AGTPBP1: variants seen among roughly 807,000 people sequenced by gnomAD.
The protein encoded by AGTPBP1 is ATP/GTP binding carboxypeptidase 1.
In AGTPBP1, 70 loss-of-function variants were observed where a neutral mutation model predicts 143.9. The observed-to-expected ratio is 0.49, with a 90% CI of 0.40 to 0.59. AGTPBP1 has a LOEUF of 0.59. Ranked by LOEUF, AGTPBP1 falls within the 20% of genes least tolerant of loss-of-function variation. The pLI, the probability that AGTPBP1 is intolerant of heterozygous loss-of-function variation, is 0.00. For missense variants in AGTPBP1, 1,229 were observed against 1,464.5 expected (o/e 0.84, Z 2.62); for synonymous variants, 463 against 500.2 (o/e 0.93, Z 0.99).
chr9:85,782,474 C>A, the AGTPBP1 span, among the ~76,000 whole-genome samples: 1 of 152,138 alleles, frequency 6.6e-6, no homozygotes, highest in East Asian at 1.9e-4. Context: ...GAGATCACGA[C>A]ATTGCACCCC....
chr9:85,603,514 C>T (rs576142648), intron 17 of AGTPBP1, among the ~76,000 whole-genome samples: 1 of 152,116 alleles, frequency 6.6e-6, no homozygotes, highest in South Asian at 2.1e-4. Flanking sequence ...TCAGTGGTAC[C>T]CAGGCAGTTC....
At chr9:85,677,870 G>T (rs1325907484) in intron 5 of AGTPBP1, among the ~76,000 whole-genome samples, 1 of 152,058 alleles carries the variant, frequency 6.6e-6, no homozygotes, top group Non-Finnish European at 1.5e-5. Flanking sequence ...CAGGCATGGT[G>T]GCGCACACCT....
the AGTPBP1 span, among the ~76,000 whole-genome samples, chr9:85,747,274 G>T: frequency 3.3e-5 from 5 of 152,120 alleles, no homozygotes; most frequent in African/African-American, 1.2e-4. Context: ...TTTGATTATT[G>T]TAGGATTATA....
chr9:85,710,525 A>G (rs1160976708), intron 2 of AGTPBP1, among the ~76,000 whole-genome samples: 1 of 152,104 alleles, frequency 6.6e-6, no homozygotes, highest in African/African-American at 2.4e-5. Context: ...AATATGCCAT[A>G]CTATAGGAAG....
In AGTPBP1 at chr9:85,632,978, A is replaced by C. The variant is rs1831781123; in HGVS notation, c.1699T>G (p.Cys567Gly). 5.6e-6 allele frequency: 9 copies of C among 1,614,162 alleles called. No homozygotes were observed. The highest frequency in any genetic ancestry group is 5.1e-6 in the Non-Finnish European group (6 of 1,180,018). The stretch of plus-strand genomic sequence containing the variant: ...GCCATGTGTGGACATGCTTTAGCAC[A>C]GGTAAGGACAGTAAGAGGAAGACTG... ...DCSLPLTVLT[C>G]AKACPHMATC... The change falls in exon 14 of 26, where the codon TGT (cysteine) becomes GGT (glycine). Residue 567 changes from cysteine (C) to glycine (G), a missense_variant. By Grantham distance (159) the Cys-to-Gly change is radical (BLOSUM62 -3). Around this residue, in one of 2 missense-constraint regions of AGTPBP1, gnomAD observed 743 missense variants for 812.2 expected, o/e 0.91. Coordinates refer to ENST00000357081, the MANE Select transcript of AGTPBP1 (RefSeq NM_001330701.2).
intron 6 of AGTPBP1, among the ~76,000 whole-genome samples, chr9:85,673,644 G>A (rs1160646896): frequency 6.6e-6 from 1 of 151,966 alleles, no homozygotes; most frequent in Non-Finnish European, 1.5e-5. Context: ...GTAGACATTG[G>A]AGATACAAAA....
the AGTPBP1 span, among the ~76,000 whole-genome samples, chr9:85,780,735 T>C: frequency 1.3e-5 from 2 of 152,160 alleles, no homozygotes; most frequent in Non-Finnish European, 2.9e-5. Flanking sequence ...AAAATCCAAA[T>C]TGTAGCTGAA....
chr9:85,794,173 TCA>T, the AGTPBP1 span, among the ~76,000 whole-genome samples: 1 of 152,082 alleles, frequency 6.6e-6, no homozygotes, highest in South Asian at 2.1e-4. Context: ...AACATACTGA[TCA>T]AAAAATGCTC....
intron 1 of AGTPBP1, among the ~76,000 whole-genome samples, chr9:85,716,893 C>G (rs1157292428): frequency 2.0e-5 from 3 of 152,200 alleles, no homozygotes; most frequent in Non-Finnish European, 4.4e-5. Flanking sequence ...TCATATCCTA[C>G]CTACAACTTT....
At chr9:85,599,968 C>T (rs1829558822) in intron 17 of AGTPBP1, among the ~76,000 whole-genome samples, 1 of 152,176 alleles carries the variant, frequency 6.6e-6, no homozygotes, top group Non-Finnish European at 1.5e-5. Context: ...CCTGGCCAGA[C>T]TATTAACCAC....
intron 14 of AGTPBP1, among the ~76,000 whole-genome samples, chr9:85,631,990 T>G (rs565794362): frequency 6.6e-6 from 1 of 152,216 alleles, no homozygotes; most frequent in East Asian, 1.9e-4. Context: ...TAAAATGTTT[T>G]CCAATTAAAA....
chr9:85,774,674 A>G, the AGTPBP1 span, among the ~76,000 whole-genome samples: 1 of 152,216 alleles, frequency 6.6e-6, no homozygotes, highest in Admixed American at 6.5e-5. Flanking sequence ...GTTAGGTGAT[A>G]CTGTTACTCC....
chr9:85,617,175 A>G (rs909692193), intron 17 of AGTPBP1, among the ~76,000 whole-genome samples: 3 of 152,150 alleles, frequency 2.0e-5, no homozygotes, highest in African/African-American at 7.2e-5. Flanking sequence ...TAATTTTCAG[A>G]AATGTCCCCT....
At chr9:85,560,765 A>G (rs1190725978) in intron 25 of AGTPBP1, among the ~76,000 whole-genome samples, 1 of 152,222 alleles carries the variant, frequency 6.6e-6, no homozygotes, top group Non-Finnish European at 1.5e-5. Flanking sequence ...GTGGGTTAGA[A>G]AAAACATCCA....
intron 24 of AGTPBP1, among the ~76,000 whole-genome samples, chr9:85,577,071 G>T (rs189347234): frequency 1.3e-4 from 20 of 151,992 alleles, no homozygotes; most frequent in Non-Finnish European, 2.5e-4. Context: ...TTAAAAATCT[G>T]TGTTTTTAAA....
the AGTPBP1 span, among the ~76,000 whole-genome samples, chr9:85,758,352 G>A: frequency 6.6e-6 from 1 of 151,978 alleles, no homozygotes; most frequent in African/African-American, 2.4e-5. Flanking sequence ...AATTAAAAGG[G>A]TTGGAGGATA....
intron 17 of AGTPBP1, among the ~76,000 whole-genome samples, chr9:85,598,423 C>T (rs1243703470): frequency 6.6e-6 from 1 of 152,170 alleles, no homozygotes; most frequent in Admixed American, 6.5e-5. Context: ...CCTAGTGAAT[C>T]AAACAATCAA....
At chr9:85,577,262 C>T (rs1190744941) in intron 24 of AGTPBP1, among the ~76,000 whole-genome samples, 1 of 152,202 alleles carries the variant, frequency 6.6e-6, no homozygotes, top group Admixed American at 6.5e-5. Context: ...GTTTCAGAGA[C>T]AGTGATGCTT....
chr9:85,572,015 T>TTTG (rs1827520754), intron 25 of AGTPBP1, among the ~76,000 whole-genome samples: 1 of 18,706 alleles, frequency 5.3e-5, no homozygotes, highest in Non-Finnish European at 7.8e-5. Context: ...TTTTTTTTTT[T>TTTG]TTTTTTTTTT....
Sources: allele counts gnomAD v4.1 joint callset (sites outside exome capture counted in the v4.1 genomes callset), GRCh38; gene constraint gnomAD v4.1.1; regional missense constraint gnomAD v4.1.1; transcripts MANE v1.5; gene names NCBI Gene and HGNC (gene_info 2026-07-23, HGNC 2026-07-21).